The following OPN5 variants were observed in gnomAD, a reference collection of about 807,000 sequenced individuals.
OPN5 encodes the protein opsin 5.
A neutral mutation model predicts 41.7 loss-of-function variants in OPN5; 18 were observed. That is an observed-to-expected ratio of 0.43 (90% CI 0.30 to 0.64). The LOEUF (loss-of-function observed/expected upper bound fraction) is 0.64. OPN5 is among the 30% of genes least tolerant of loss of function. The pLI is 0.13. For synonymous variants in OPN5, 178 were observed against 164.3 expected (o/e 1.08, Z -0.64); for missense variants, 318 against 434.5 (o/e 0.73, Z 2.38).
chr6:47,803,501 T>C (rs773488886), intron 4 of OPN5, among the ~76,000 whole-genome samples: 5 of 152,208 alleles, frequency 3.3e-5, no homozygotes, highest in Non-Finnish European at 7.3e-5. Context: ...TGTTCCCTAA[T>C]GCATAGAGGT....
At chr6:47,807,093 G>T (rs776344687) in intron 4 of OPN5, among the ~76,000 whole-genome samples, 1 of 152,172 alleles carries the variant, frequency 6.6e-6, no homozygotes, top group Non-Finnish European at 1.5e-5. Context: ...GCAGGCAGAG[G>T]TTGCAGTGAA....
chr6:47,823,863 G>A (rs567441229), intron 6 of OPN5, 120 bp from the exon 7 acceptor site: 12 of 762,920 alleles, frequency 1.6e-5, no homozygotes, highest in Admixed American at 6.2e-5. Flanking sequence ...AATGTCCATC[G>A]CAATCCTGGT....
At position 47,807,234 on chromosome 6, in the gene OPN5, C is replaced by G. The variant is rs575912616; in HGVS notation, c.757-920C>G. On this transcript the variant is annotated intron_variant, in intron 4 of 6. Coordinates refer to ENST00000371211, the Ensembl canonical transcript of OPN5. ...GAGCTGCCACTTAAATAATATTCAG[C>G]CTTGTACTGTAGTTATTTGTATTCT... Among the ~76,000 whole-genome samples, 12 of 152,252 alleles carry G rather than the reference C, an allele frequency of 7.9e-5. No homozygotes were observed. In the East Asian group the frequency reaches 1.9e-3, roughly 24 times the overall value.
intron 3 of OPN5, chr6:47,793,916 A>AT: frequency 3.3e-6 from 1 of 304,364 alleles, no homozygotes; most frequent in Non-Finnish European, 4.8e-6. Context: ...TATTGTGGCT[A>AT]CATGATTGCC....
At chr6:47,795,460 C>G (rs1264451045) in exon 4 of OPN5, 1 of 1,614,064 alleles carries the variant, frequency 6.2e-7, no homozygotes, top group Non-Finnish European at 8.5e-7. Context: ...ATCGTGTTCT[C>G]CTACGTAAAG....
At chr6:47,821,320 G>C (rs111273309) in intron 6 of OPN5, among the ~76,000 whole-genome samples, 1 of 152,252 alleles carries the variant, frequency 6.6e-6, no homozygotes, top group Non-Finnish European at 1.5e-5. Flanking sequence ...ACTGCACAGG[G>C]AGGGCTCTCC....
At chr6:47,796,312 C>T (rs957391922) in intron 4 of OPN5, among the ~76,000 whole-genome samples, 1 of 152,166 alleles carries the variant, frequency 6.6e-6, no homozygotes, top group Non-Finnish European at 1.5e-5. Context: ...GTATATTATT[C>T]TGTCATCTGG....
At chr6:47,787,206 A>G (rs902581156) in intron 2 of OPN5, 3 of 973,910 alleles carry the variant, frequency 3.1e-6, no homozygotes, top group Non-Finnish European at 3.7e-6. Flanking sequence ...CTCACAAAAT[A>G]TCATCTGGGG....
intron 2 of OPN5, among the ~76,000 whole-genome samples, chr6:47,789,252 C>T (rs1773290511): frequency 6.6e-6 from 1 of 152,170 alleles, no homozygotes; most frequent in South Asian, 2.1e-4. Flanking sequence ...ATTTAGGTAT[C>T]TACCTAAATG....
rs563835789 is a variant in OPN5 at position 47,798,550 on chromosome 6, T to C, written c.756+2987T>C. 2.5e-3 allele frequency among the ~76,000 whole-genome samples: 378 copies of C among 151,054 alleles called. 1 individual carries two copies. Among genetic ancestry groups the C allele is most frequent in the Non-Finnish European group, 3.9e-3 (265 of 67,760 alleles). The stretch of plus-strand genomic sequence containing the variant: ...TGTTACATATATATGTATATTCTTT[T>C]AATTTATATACTTAATGATATCACA... On this transcript the variant is annotated intron_variant, in intron 4 of 6. Transcript: ENST00000371211.
chr6:47,808,422 T>C, intron 5 of OPN5, 27 bp downstream of exon 5: 2 of 1,612,544 alleles, frequency 1.2e-6, no homozygotes, highest in Non-Finnish European at 1.7e-6. Context: ...TGGAAATGAA[T>C]TACACTCTCT....
rs183739086 is a variant in OPN5 at position 47,810,311 on chromosome 6, T to C, written c.999-1363T>C. On this transcript the variant is annotated intron_variant, in intron 5 of 6. Coordinates refer to ENST00000371211, the Ensembl canonical transcript of OPN5. ...GCTGAAGAGATATTGAGTCGTAGAT[T>C]TTAGAAGGGGCTGCTTCAGAGAAGA... 9.2e-5 allele frequency among the ~76,000 whole-genome samples: 14 copies of C among 152,220 alleles called. No homozygotes were observed. The East Asian group carries it at 2.5e-3, about 27-fold the overall frequency.
chr6:47,782,709 A>G (rs1167025169), intron 1 of OPN5, among the ~76,000 whole-genome samples: 2 of 152,230 alleles, frequency 1.3e-5, no homozygotes, highest in Non-Finnish European at 1.5e-5. Flanking sequence ...AAGTCGCATC[A>G]AAATAGCTAA....
chr6:47,816,641 G>A (rs77170572), intron 6 of OPN5, among the ~76,000 whole-genome samples: 5,027 of 152,104 alleles, frequency 0.033, 115 homozygotes, highest in Non-Finnish European at 0.047. Flanking sequence ...TAGAAGTTCA[G>A]AGTACAGTTT....
chr6:47,821,742 A>G (rs193288150), intron 6 of OPN5, among the ~76,000 whole-genome samples: 60 of 152,244 alleles, frequency 3.9e-4, no homozygotes, highest in African/African-American at 1.1e-3. Context: ...TGCTTGGTTA[A>G]AATGTAAATC....
At chr6:47,789,920 G>T (rs1310718028) in intron 2 of OPN5, among the ~76,000 whole-genome samples, 2 of 151,128 alleles carry the variant, frequency 1.3e-5, no homozygotes, top group African/African-American at 4.9e-5. Context: ...TTTTGTGGGG[G>T]GTGTGGTGAG....
At chr6:47,785,047 A>T (rs982887708) in intron 1 of OPN5, among the ~76,000 whole-genome samples, 18 of 152,362 alleles carry the variant, frequency 1.2e-4, no homozygotes, top group African/African-American at 4.3e-4. Flanking sequence ...CTTATGAAGC[A>T]GGGTCAGTAA....
chr6:47,813,241 G>A (rs961954195), intron 6 of OPN5, among the ~76,000 whole-genome samples: 1 of 152,274 alleles, frequency 6.6e-6, no homozygotes, highest in East Asian at 1.9e-4. Context: ...AGGTGTGAGA[G>A]CACGTGGCAC....
chr6:47,823,201 C>T (rs532306247), intron 6 of OPN5, among the ~76,000 whole-genome samples: 23 of 152,252 alleles, frequency 1.5e-4, no homozygotes, highest in Admixed American at 1.4e-3. Flanking sequence ...ACAGAAAAGG[C>T]AGAGTCAGGG....
Sources: allele counts gnomAD v4.1 joint callset (sites outside exome capture counted in the v4.1 genomes callset), GRCh38; gene constraint gnomAD v4.1.1; transcripts MANE v1.5; gene names NCBI Gene and HGNC (gene_info 2026-07-23, HGNC 2026-07-21).